Variants in RNASEH1 observed in about 807,000 individuals in gnomAD.
RNASEH1 encodes ribonuclease H1.
In RNASEH1, 27 loss-of-function variants were observed where a neutral mutation model predicts 34.6. That is an observed-to-expected ratio of 0.78 (90% CI 0.58 to 1.08). The LOEUF (loss-of-function observed/expected upper bound fraction) is 1.08, where lower values mean the gene tolerates loss of function less well. Among genes scored for constraint, RNASEH1 ranks in the 50% least tolerant of loss-of-function variants. The pLI is 0.00. For synonymous variants in RNASEH1, 162 were observed against 138.4 expected (o/e 1.17, Z -1.20); for missense variants, 349 against 373.6 (o/e 0.93, Z 0.54).
At position 3,556,775 on chromosome 2, in the gene RNASEH1, T is replaced by G; in HGVS notation, c.244+14A>C. On this transcript the variant is annotated intron_variant, in intron 2 of 7. Coordinates refer to ENST00000315212, the MANE Select transcript of RNASEH1 (RefSeq NM_002936.6). The stretch of plus-strand genomic sequence containing the variant: ...AATAGGTTAAAATGTCACACTGATA[T>G]GAGAGGTGACTACCTTCTGAAACTT... 8 of 1,557,944 alleles carry G rather than the reference T, an allele frequency of 5.1e-6. No homozygotes were observed. The highest frequency in any genetic ancestry group is 7.1e-6 in the Non-Finnish European group (8 of 1,128,738).
chr2:3,549,924 C>T (rs1029195135), intron 4 of RNASEH1, among the ~76,000 whole-genome samples: 5 of 146,222 alleles, frequency 3.4e-5, no homozygotes, highest in Non-Finnish European at 6.0e-5. Flanking sequence ...CTAGCCTGGG[C>T]GATAGAGTGA....
chr2:3,543,686 A>G lies in RNASEH1; in HGVS notation c.*2099T>C, dbSNP rs1041150528. Among the ~76,000 whole-genome samples, 3 of 151,976 alleles carry G rather than the reference A, an allele frequency of 2.0e-5. No homozygotes were observed. The highest frequency in any genetic ancestry group is 2.0e-4 in the Admixed American group (3 of 15,238). ...GAATGTGGTGGCATGGTCACAGCTC[A>G]CGCATCCTCGACCTCCTGGGCCCAA... On this transcript the variant is annotated 3_prime_UTR_variant, in exon 8 of 8. Coordinates refer to ENST00000315212, the MANE Select transcript of RNASEH1 (RefSeq NM_002936.6).
rs1434475454 is a variant in RNASEH1, at chr2:3,558,192, G to A, written c.69C>T (p.Arg23=). ...TCACGGCATAGAACATCCCGAACCCGCGAGAGCCGCGGCGGCAGGGCAAGG... is the reference window on the plus strand; with the variant it reads ...TCACGGCATAGAACATCCCGAACCCACGAGAGCCGCGGCGGCAGGGCAAGG... ...LAALPCRRGS[R]GFGMFYAVRR... The change falls in exon 1 of 8, where the codon CGC becomes CGT. Residue 23 remains arginine (R), a synonymous_variant. Coordinates refer to ENST00000315212, the MANE Select transcript of RNASEH1 (RefSeq NM_002936.6). 6.2e-7 allele frequency: 1 copy of A among 1,601,732 alleles called. No individual in the cohort carries two copies. The highest frequency in any genetic ancestry group is 1.7e-5 in the Admixed American group (1 of 58,712).
At chr2:3,539,793 C>A (rs1464230189), downstream of RNASEH1, among the ~76,000 whole-genome samples, 1 of 152,186 alleles carries the variant, frequency 6.6e-6, no homozygotes, top group Non-Finnish European at 1.5e-5. Context: ...CAGAAATCTA[C>A]CCCGAGGCCC....
At chr2:3,558,019 C>A in intron 1 of RNASEH1, 114 bp downstream of exon 1, 1 of 1,481,958 alleles carries the variant, frequency 6.7e-7, no homozygotes, top group South Asian at 1.4e-5. Context: ...CCCACAGCCA[C>A]AGCGCGCGGC....
Position 3,545,871 on chromosome 2 carries a change from T to C in RNASEH1, c.775A>G (p.Met259Val). 1.9e-6 allele frequency: 3 copies of C among 1,603,872 alleles called. No individual in the cohort carries two copies. The highest frequency in any genetic ancestry group is 2.6e-6 in the Non-Finnish European group (3 of 1,170,632). Reference protein sequence around the residue: ...RLTQGMDIQWMHVPGHSGFIG... With the variant: ...RLTQGMDIQWVHVPGHSGFIG... ...AATCCCGAATGACCAGGAACATGCA[T>C]CTGTTAAGATAAATGTTTTCCTTTT... The change falls in exon 8 of 8, where the codon ATG (methionine) becomes GTG (valine). Residue 259 changes from methionine to valine, a missense_variant and splice_region_variant. Physicochemically the swap from Met to Val is conservative, Grantham distance 21 (BLOSUM62 1). Around this residue, in one of 2 missense-constraint regions of RNASEH1, gnomAD observed 93 missense variants for 132.9 expected, o/e 0.70. Coordinates refer to ENST00000315212, the MANE Select transcript of RNASEH1 (RefSeq NM_002936.6).
chr2:3,536,033 C>A, the RNASEH1 span, among the ~76,000 whole-genome samples: 1 of 152,212 alleles, frequency 6.6e-6, no homozygotes, highest in Non-Finnish European at 1.5e-5. Context: ...CACGTCACTG[C>A]CCCAAGACAG....
rs977697114 is a variant in RNASEH1, at chr2:3,542,217, A to G, written c.*3568T>C. 3.3e-5 allele frequency among the ~76,000 whole-genome samples: 5 copies of G among 152,230 alleles called. No individual in the cohort carries two copies. The highest frequency in any genetic ancestry group is 1.2e-4 in the African/African-American group (5 of 41,456). Reference sequence around the variant, plus strand: ...AATCTTCTTAAAATAACAGATATGAAGTACACATAGAAAGAGCACACCATA... The same window carrying G: ...AATCTTCTTAAAATAACAGATATGAGGTACACATAGAAAGAGCACACCATA... On this transcript the variant is annotated 3_prime_UTR_variant, in exon 8 of 8. Transcript: ENST00000315212.
intron 4 of RNASEH1, 44 bp from the exon 5 acceptor site, chr2:3,549,156 T>C (rs751803116): frequency 2.8e-6 from 4 of 1,404,064 alleles, no homozygotes; most frequent in Admixed American, 3.4e-5. Context: ...ATAAAGTGAA[T>C]TCTCAAAGTG....
In RNASEH1 at chr2:3,545,547, T is replaced by C. The variant is rs1668665293; in HGVS notation, c.*238A>G. 6 of 544,374 alleles carry C rather than the reference T, an allele frequency of 1.1e-5. No individual in the cohort carries two copies. In the East Asian group the frequency reaches 1.2e-4, roughly 11 times the overall value. 33.7% of individuals were successfully genotyped at this position (544,374 alleles called of 1,614,324 possible). A position where few individuals can be genotyped will look rare whatever the true frequency, so the allele number is the denominator to read the frequency against. ...CAAGCAAGGACAGTATTGAACCCAG[T>C]AAACATAATGTGGAAATCTCACATA... On this transcript the variant is annotated 3_prime_UTR_variant, in exon 8 of 8. Transcript: ENST00000315212.
Position 3,545,824 on chromosome 2 carries a change from G to A in RNASEH1, c.822C>T (p.Asp274=), listed in dbSNP as rs755148627. Reference sequence around the variant, plus strand: ...GTTTAGCTCCTTCTCTGGCTAATCTGTCAGCTTCTTCATTGCCTATAAATC... The same window carrying A: ...GTTTAGCTCCTTCTCTGGCTAATCTATCAGCTTCTTCATTGCCTATAAATC... ...HSGFIGNEEA[D]RLAREGAKQS... The change falls in exon 8 of 8, where the codon GAC becomes GAT. Residue 274 remains aspartate, a synonymous_variant. Transcript: ENST00000315212. 6.2e-6 allele frequency: 10 copies of A among 1,613,660 alleles called. No individual in the cohort carries two copies. The highest frequency in any genetic ancestry group is 7.6e-6 in the Non-Finnish European group (9 of 1,179,656).
intron 4 of RNASEH1, 162 bp downstream of exon 4, chr2:3,550,211 T>C: frequency 1.9e-6 from 1 of 540,138 alleles, no homozygotes; most frequent in South Asian, 2.1e-5. Context: ...TGAAAAGCAA[T>C]GCCGCTTAGC....
intron 6 of RNASEH1, among the ~76,000 whole-genome samples, chr2:3,548,384 C>G (rs771863900): frequency 1.2e-4 from 18 of 152,194 alleles, no homozygotes; most frequent in Admixed American, 4.6e-4. Context: ...TCTTAAGTGA[C>G]TTATACACAC....
Position 3,556,847 on chromosome 2 carries a change from G to A in RNASEH1, c.186C>T (p.Ala62=). The A allele has an allele frequency of 6.2e-7, 1 of 1,614,090 alleles. No homozygotes were observed. Among genetic ancestry groups the A allele is most frequent in the South Asian group, 1.1e-5 (1 of 91,082 alleles). ...CAAAGGCCCAGGCCTCATCCTCTGT[G>A]GCAAACTTCTTAAATCTGGCAGCAG... ...RFPAARFKKF[A]TEDEAWAFVR... The change falls in exon 2 of 8, where the codon GCC becomes GCT. Residue 62 remains alanine (A), a synonymous_variant. Coordinates refer to ENST00000315212, the MANE Select transcript of RNASEH1 (RefSeq NM_002936.6).
chr2:3,558,157 C>G lies in RNASEH1; in HGVS notation c.104G>C (p.Arg35Pro). ...CCAGGTCAGAAAGACCCCGGTCTTG[C>G]GGCCCCTCCTCACGGCATAGAACAT... ...FGMFYAVRRG[R>P]KTGVFLTWNE... The change falls in exon 1 of 8, where the codon CGC becomes CCC. Residue 35 changes from arginine (R) to proline (P), a missense_variant. Arg to Pro is a moderately radical substitution (Grantham distance 103). Transcript: ENST00000315212. 1 of 1,601,378 alleles carries G rather than the reference C, an allele frequency of 6.2e-7. No individual in the cohort carries two copies. Among genetic ancestry groups the G allele is most frequent in the Non-Finnish European group, 8.5e-7 (1 of 1,175,660 alleles).
chr2:3,542,740 C>G lies in RNASEH1; in HGVS notation c.*3045G>C, dbSNP rs1225633274. ...GATATTCCATGCCATTGTCCTGTGT[C>G]TTGAGAAGCAGGATTCCGAGTGCAG... On this transcript the variant is annotated 3_prime_UTR_variant, in exon 8 of 8. Transcript: ENST00000315212. 6.6e-6 allele frequency among the ~76,000 whole-genome samples: 1 copy of G among 152,120 alleles called. No individual in the cohort carries two copies. The highest frequency in any genetic ancestry group is 1.5e-5 in the Non-Finnish European group (1 of 68,018).
At chr2:3,539,555 T>A (rs1247284367), downstream of RNASEH1, among the ~76,000 whole-genome samples, 3 of 152,170 alleles carry the variant, frequency 2.0e-5, no homozygotes, top group African/African-American at 7.2e-5. Flanking sequence ...GCCTTCTGTG[T>A]GCCAGGAGAC....
intron 3 of RNASEH1, among the ~76,000 whole-genome samples, chr2:3,551,823 C>T (rs766556871): frequency 2.6e-5 from 4 of 152,136 alleles, no homozygotes; most frequent in African/African-American, 9.7e-5. Context: ...CAAGCAGCTG[C>T]GTGTGAGGTG....
intron 2 of RNASEH1, among the ~76,000 whole-genome samples, chr2:3,555,332 GTC>G (rs1447466717): frequency 6.6e-6 from 1 of 152,064 alleles, no homozygotes; most frequent in Non-Finnish European, 1.5e-5. Context: ...CCAACACCTT[GTC>G]TCTCAGCTTA....
Sources: gnomAD v4.1 joint callset for allele counts (sites outside exome capture counted in the v4.1 genomes callset) on GRCh38, gnomAD v4.1.1 for gene constraint, gnomAD v4.1.1 regional missense constraint, MANE v1.5 for transcripts, NCBI Gene and HGNC (gene_info 2026-07-23, HGNC 2026-07-21) for gene names.